ZBTB46: variants seen among roughly 807,000 people sequenced by gnomAD.
The protein encoded by ZBTB46 is zinc finger and BTB domain-containing protein 46.
A neutral mutation model predicts 44.1 loss-of-function variants in ZBTB46; 8 were observed. The ratio of observed to expected loss-of-function variants is 0.18; its 90% CI spans 0.11 to 0.33. The LOEUF (loss-of-function observed/expected upper bound fraction) is 0.33. Among genes scored for constraint, ZBTB46 ranks in the 10% least tolerant of loss-of-function variants. The pLI is 1.00. For synonymous variants in ZBTB46, 409 were observed against 382.3 expected (o/e 1.07, Z -0.81); for missense variants, 651 against 847.7 (o/e 0.77, Z 2.88).
chr20:63,762,324 T>C (rs898307666), intron 3 of ZBTB46, among the ~76,000 whole-genome samples: 1 of 152,178 alleles, frequency 6.6e-6, no homozygotes, highest in African/African-American at 2.4e-5. Flanking sequence ...GTTATCTCTT[T>C]TTTTAGTTCT....
Position 63,789,774 on chromosome 20 carries a change from T to C in ZBTB46, c.937+47A>G, listed in dbSNP as rs373637468. The C allele has an allele frequency of 3.8e-6, 6 of 1,567,270 alleles. No homozygotes were observed. The African/African-American group carries it at 6.7e-5, about 18-fold the overall frequency. On this transcript the variant is annotated intron_variant, in intron 2 of 4. Coordinates refer to ENST00000245663, the MANE Select transcript of ZBTB46 (RefSeq NM_001369741.1). ...CCGCACAGCACGCGGCCGTGAGGCC[T>C]GGACACACTGGGGCAGCTGAGCCCC...
chr20:63,802,762 C>T (rs910191019), intron 1 of ZBTB46, among the ~76,000 whole-genome samples: 1 of 148,116 alleles, frequency 6.8e-6, no homozygotes, highest in Non-Finnish European at 1.5e-5. Flanking sequence ...GAACCTCAGG[C>T]CCCCAGCACC....
intron 3 of ZBTB46, 171 bp downstream of exon 3, chr20:63,775,507 A>C: frequency 1.2e-6 from 1 of 813,050 alleles, no homozygotes. Context: ...TGCACCTGAG[A>C]GGCCAGTCCA....
At chr20:63,801,935 A>C (rs1420296052) in intron 1 of ZBTB46, among the ~76,000 whole-genome samples, 1 of 152,164 alleles carries the variant, frequency 6.6e-6, no homozygotes, top group South Asian at 2.1e-4. Context: ...ATTATGCCTC[A>C]ATAAAGGATT....
chr20:63,812,372 TGTG>T (rs2092722276), intron 1 of ZBTB46, among the ~76,000 whole-genome samples: 1 of 145,170 alleles, frequency 6.9e-6, no homozygotes, highest in Non-Finnish European at 1.5e-5. Flanking sequence ...AGCCGGGCAA[TGTG>T]GTGTGCACCT....
At chr20:63,831,965 G>C (rs2092854650), upstream of ZBTB46, among the ~76,000 whole-genome samples, 1 of 151,992 alleles carries the variant, frequency 6.6e-6, no homozygotes, top group Non-Finnish European at 1.5e-5. Flanking sequence ...GGGCCTCGGC[G>C]CACCCGGAGA....
Position 63,747,123 on chromosome 20 carries a change from G to A in ZBTB46, c.1577C>T (p.Ala526Val), listed in dbSNP as rs779093269. Residue 526 changes from alanine (A) to valine (V), a missense_variant, in exon 5 of 5, where the codon GCG becomes GTG. Coordinates refer to ENST00000245663, the MANE Select transcript of ZBTB46 (RefSeq NM_001369741.1). ...ATAGGGCCCGTCGCCTGGGAACAGC[G>A]CCTCTGGAGAGCCCTCGCCGCCTCC... is the stretch of plus-strand genomic sequence containing the variant. ...GGGGGEGSPE[A>V]LFPGDGPYLE... The A allele has an allele frequency of 8.1e-6, 13 of 1,610,104 alleles. No individual in the cohort carries two copies. The highest frequency in any genetic ancestry group is 5.5e-5 in the South Asian group (5 of 90,986).
At chr20:63,804,138 G>A (rs2092666878) in intron 1 of ZBTB46, among the ~76,000 whole-genome samples, 1 of 152,114 alleles carries the variant, frequency 6.6e-6, no homozygotes, top group East Asian at 1.9e-4. Flanking sequence ...CCTGAATGGA[G>A]GGGCTTCCAC....
intron 2 of ZBTB46, among the ~76,000 whole-genome samples, chr20:63,784,174 A>G (rs1434629256): frequency 6.6e-6 from 1 of 152,188 alleles, no homozygotes; most frequent in African/African-American, 2.4e-5. Context: ...ATCCCCAGCA[A>G]AGAGCTCTGG....
chr20:63,778,903 T>C (rs2092446334), intron 2 of ZBTB46, among the ~76,000 whole-genome samples: 1 of 152,192 alleles, frequency 6.6e-6, no homozygotes, highest in Non-Finnish European at 1.5e-5. Context: ...AAAATTAGTT[T>C]CCTCACGCTC....
At chr20:63,807,764 C>T (rs1027922951) in intron 1 of ZBTB46, among the ~76,000 whole-genome samples, 2 of 152,384 alleles carry the variant, frequency 1.3e-5, no homozygotes, top group African/African-American at 4.8e-5. Context: ...GCGAAGCACC[C>T]GTCTGTGTGA....
chr20:63,805,170 C>T (rs1412038319), intron 1 of ZBTB46, among the ~76,000 whole-genome samples: 2 of 152,080 alleles, frequency 1.3e-5, no homozygotes, highest in African/African-American at 4.8e-5. Flanking sequence ...CCGCCCACCT[C>T]GGCCTCCCAA....
At chr20:63,773,588 G>A (rs1331148149) in intron 3 of ZBTB46, among the ~76,000 whole-genome samples, 1 of 152,128 alleles carries the variant, frequency 6.6e-6, no homozygotes, top group East Asian at 1.9e-4. Flanking sequence ...ATGTGAAAAG[G>A]CGCTCGGAGG....
intron 1 of ZBTB46, among the ~76,000 whole-genome samples, chr20:63,807,764 C>A (rs1027922951): frequency 1.3e-5 from 2 of 152,268 alleles, no homozygotes; most frequent in African/African-American, 2.4e-5. Context: ...GCGAAGCACC[C>A]GTCTGTGTGA....
Position 63,768,000 on chromosome 20 carries a change from C to G in ZBTB46, c.1222+7678G>C, listed in dbSNP as rs2092335080. ...GTGTCGATCTGGAACCAGAGACAGA[C>G]AAGTTACAGACCGTCAGGATGGGAT... On this transcript the variant is annotated intron_variant, in intron 3 of 4. Transcript: ENST00000245663. The surrounding 1 kb of genome is among the most constrained non-coding windows in gnomAD (Gnocchi z 5.0). 7.1e-6 allele frequency: 7 copies of G among 985,328 alleles called. No homozygotes were observed. Among genetic ancestry groups the G allele is most frequent in the Non-Finnish European group, 8.4e-6 (7 of 829,938 alleles). 61.0% of individuals were successfully genotyped at this position (985,328 alleles called of 1,614,324 possible).
intron 1 of ZBTB46, among the ~76,000 whole-genome samples, chr20:63,799,315 C>T (rs1215460924): frequency 6.6e-6 from 1 of 151,728 alleles, no homozygotes; most frequent in Non-Finnish European, 1.5e-5. Flanking sequence ...TCTGGGACTA[C>T]AGGCGTGAGT....
chr20:63,787,075 G>A lies in ZBTB46; in HGVS notation c.937+2746C>T, dbSNP rs903893201. ...AGAACAGCATTTACCCGCAGGTGGGGTAGAGGCAAGAGGAAGGTACTGTAT... is the reference window on the plus strand; with the variant it reads ...AGAACAGCATTTACCCGCAGGTGGGATAGAGGCAAGAGGAAGGTACTGTAT... On this transcript the variant is annotated intron_variant, in intron 2 of 4. Coordinates refer to ENST00000245663, the MANE Select transcript of ZBTB46 (RefSeq NM_001369741.1). This position sits in a 1 kb window ranked among gnomAD's most constrained non-coding sequence, Gnocchi z 4.6. 7.9e-5 allele frequency among the ~76,000 whole-genome samples: 12 copies of A among 152,204 alleles called. No homozygotes were observed. Among genetic ancestry groups the A allele is most frequent in the Non-Finnish European group, 1.3e-4 (9 of 68,048 alleles).
chr20:63,778,928 T>A (rs1427677998), intron 2 of ZBTB46, among the ~76,000 whole-genome samples: 1 of 152,100 alleles, frequency 6.6e-6, no homozygotes, highest in Non-Finnish European at 1.5e-5. Flanking sequence ...GACTGGGAAG[T>A]CCAAGGTCAA....
intron 2 of ZBTB46, among the ~76,000 whole-genome samples, chr20:63,783,155 C>T (rs1298611007): frequency 1.3e-5 from 2 of 151,724 alleles, no homozygotes; most frequent in East Asian, 3.9e-4. Context: ...CACAGCTGGG[C>T]GTGGTGGTTC....
Sources: allele counts gnomAD v4.1 joint callset (sites outside exome capture counted in the v4.1 genomes callset), GRCh38; gene constraint gnomAD v4.1.1; non-coding constraint Gnocchi (gnomAD v3.1); transcripts MANE v1.5; gene names NCBI Gene and HGNC (gene_info 2026-07-23, HGNC 2026-07-21).